Variants in KIF26B observed in about 807,000 individuals in gnomAD.
KIF26B encodes the protein kinesin family member 26B, also known as kinesin-like protein KIF26B.
KIF26B carries 63 observed loss-of-function variants against 151.2 expected under a neutral mutation model. That is an observed-to-expected ratio of 0.42 (90% CI 0.34 to 0.51). The LOEUF (loss-of-function observed/expected upper bound fraction) is 0.51. KIF26B is among the 20% of genes least tolerant of loss of function. The pLI is 0.07. For missense variants in KIF26B, 2,813 were observed against 2,913.6 expected, an observed-to-expected ratio of 0.97 and a Z score of 0.79; for synonymous variants, 1,357 against 1,262.1, an observed-to-expected ratio of 1.08 and a Z score of -1.59.
At chr1:245,672,444 C>T (rs1373237421) in intron 10 of KIF26B, among the ~76,000 whole-genome samples, 2 of 152,228 alleles carry the variant, frequency 1.3e-5, no homozygotes, top group Admixed American at 6.5e-5. Context: ...CAGTCTGAAT[C>T]CCTCCGGACA....
chr1:245,469,109 C>T lies in KIF26B; in HGVS notation c.1166+49364C>T, dbSNP rs558920093. ...CTCCTCAACTGGCCTCTGGCTGCAACGTAAATGACCTCCCTTGTTCCCTAC... is the reference window on the plus strand; with the variant it reads ...CTCCTCAACTGGCCTCTGGCTGCAATGTAAATGACCTCCCTTGTTCCCTAC... On this transcript the variant is annotated intron_variant, in intron 4 of 14. Coordinates refer to ENST00000407071, the MANE Select transcript of KIF26B (RefSeq NM_018012.4). 7.9e-5 allele frequency among the ~76,000 whole-genome samples: 12 copies of T among 152,352 alleles called. No individual in the cohort carries two copies. In the South Asian group the frequency reaches 8.3e-4, roughly 11 times the overall value.
chr1:245,594,982 T>C (rs1328751598), intron 5 of KIF26B, among the ~76,000 whole-genome samples: 2 of 152,174 alleles, frequency 1.3e-5, no homozygotes, highest in African/African-American at 4.8e-5. Context: ...TACTGGTGTA[T>C]AGGAAGGCTT....
intron 2 of KIF26B, among the ~76,000 whole-genome samples, chr1:245,361,112 T>C (rs1434931196): frequency 6.6e-6 from 1 of 152,244 alleles, no homozygotes; most frequent in East Asian, 1.9e-4. Flanking sequence ...AACATCTCCC[T>C]TTTCTTTTGA....
At chr1:245,473,030 C>T (rs1659948527) in intron 4 of KIF26B, among the ~76,000 whole-genome samples, 1 of 152,258 alleles carries the variant, frequency 6.6e-6, no homozygotes, top group Non-Finnish European at 1.5e-5. Context: ...TAGGACTCTG[C>T]TCTCTGTCTC....
intron 5 of KIF26B, among the ~76,000 whole-genome samples, chr1:245,594,729 A>G (rs1361567904): frequency 6.6e-6 from 1 of 152,204 alleles, no homozygotes; most frequent in East Asian, 1.9e-4. Context: ...CTTGGTGGGA[A>G]TAGCATTGAA....
intron 2 of KIF26B, among the ~76,000 whole-genome samples, chr1:245,224,155 C>T (rs545049237): frequency 3.9e-5 from 6 of 152,142 alleles, no homozygotes; most frequent in South Asian, 4.2e-4. Flanking sequence ...TGTGGTGGCG[C>T]GTGCCTGTAA....
intron 3 of KIF26B, among the ~76,000 whole-genome samples, chr1:245,393,135 C>A (rs1000597557): frequency 3.9e-5 from 6 of 152,132 alleles, no homozygotes; most frequent in African/African-American, 1.4e-4. Context: ...CCCGCCACTG[C>A]ACTCCAGCCT....
intron 6 of KIF26B, 115 bp from the exon 7 acceptor site, chr1:245,607,536 G>T: frequency 2.5e-6 from 2 of 784,504 alleles, no homozygotes; most frequent in Non-Finnish European, 4.1e-6. Context: ...AACCCACCTG[G>T]GAACACAGTG....
At chr1:245,202,617 G>A (rs1669319924) in intron 2 of KIF26B, among the ~76,000 whole-genome samples, 1 of 152,032 alleles carries the variant, frequency 6.6e-6, no homozygotes, top group Non-Finnish European at 1.5e-5. Context: ...AAAATTAGCC[G>A]GACGTGGTGG....
chr1:245,639,491 A>AT (rs1301071942), intron 9 of KIF26B, among the ~76,000 whole-genome samples: 5 of 150,686 alleles, frequency 3.3e-5, no homozygotes, highest in African/African-American at 7.3e-5. Flanking sequence ...ATCTTTACTC[A>AT]TTTTTTTCCT....
intron 9 of KIF26B, among the ~76,000 whole-genome samples, chr1:245,641,275 G>T (rs1466031210): frequency 7.5e-6 from 1 of 132,742 alleles, no homozygotes; most frequent in Non-Finnish European, 1.6e-5. Flanking sequence ...CTTTGCCTTT[G>T]ACCTTTGTGA....
rs964519193 is a variant in KIF26B, at chr1:245,171,543, CA to C, written c.465+14870del. On this transcript the variant is annotated intron_variant, in intron 2 of 14. Transcript: ENST00000407071. ...TAGGCGACAGAGTGAGACTCCATCT[CA>C]AAAAAAAAATTCTTACATGGGACAA... Among the ~76,000 whole-genome samples the C allele has an allele frequency of 2.2e-4, 32 of 148,416 alleles. No homozygotes were observed. In the East Asian group the frequency reaches 2.8e-3, roughly 13 times the overall value.
chr1:245,374,233 G>A (rs956770591), intron 3 of KIF26B, among the ~76,000 whole-genome samples: 17 of 147,924 alleles, frequency 1.1e-4, no homozygotes, highest in African/African-American at 3.5e-4. Context: ...TTGCTCCTCC[G>A]AGATCAGAAG....
At position 245,241,723 on chromosome 1, in the gene KIF26B, G is replaced by A. The variant is rs1050623552; in HGVS notation, c.465+85040G>A. On this transcript the variant is annotated intron_variant, in intron 2 of 14. Transcript: ENST00000407071. This position sits in a 1 kb window ranked among gnomAD's most constrained non-coding sequence, Gnocchi z 5.0. Reference sequence around the variant, plus strand: ...CCGTCCAGGGCCCATGGCAGCCCCAGCTGGCTGCCCGCTCCCTCCTGTGGG... The same window carrying A: ...CCGTCCAGGGCCCATGGCAGCCCCAACTGGCTGCCCGCTCCCTCCTGTGGG... 6.6e-6 allele frequency among the ~76,000 whole-genome samples: 1 copy of A among 152,328 alleles called. No homozygotes were observed. Among genetic ancestry groups the A allele is most frequent in the East Asian group, 1.9e-4 (1 of 5,176 alleles).
chr1:245,665,789 A>G (rs1452233230), intron 10 of KIF26B, among the ~76,000 whole-genome samples: 1 of 151,906 alleles, frequency 6.6e-6, no homozygotes, highest in African/African-American at 2.4e-5. Context: ...AGTTCAAGTG[A>G]TCCTCCTGCC....
intron 2 of KIF26B, among the ~76,000 whole-genome samples, chr1:245,270,877 G>T (rs35651996): frequency 0.065 from 9,963 of 152,212 alleles, 371 homozygotes; most frequent in African/African-American, 0.086. Flanking sequence ...CTTCTAGGAG[G>T]TTTGTAGTTT....
At chr1:245,503,061 T>G (rs1660655014) in intron 4 of KIF26B, among the ~76,000 whole-genome samples, 1 of 152,062 alleles carries the variant, frequency 6.6e-6, no homozygotes, top group Non-Finnish European at 1.5e-5. Context: ...GGTTTCTCCA[T>G]GTTGGTCAGG....
intron 4 of KIF26B, among the ~76,000 whole-genome samples, chr1:245,439,031 A>G (rs1279580293): frequency 6.6e-6 from 1 of 152,142 alleles, no homozygotes; most frequent in Non-Finnish European, 1.5e-5. Context: ...AGTTTATTAT[A>G]TATCAGTTAC....
chr1:245,306,523 G>A (rs1020616550), intron 2 of KIF26B, among the ~76,000 whole-genome samples: 2 of 152,052 alleles, frequency 1.3e-5, no homozygotes, highest in African/African-American at 4.8e-5. Flanking sequence ...TTTCAATAGA[G>A]CTGTTTTAAA....
Sources: allele counts gnomAD v4.1 joint callset (sites outside exome capture counted in the v4.1 genomes callset), GRCh38; gene constraint gnomAD v4.1.1; non-coding constraint Gnocchi (gnomAD v3.1); transcripts MANE v1.5; gene names NCBI Gene and HGNC (gene_info 2026-07-23, HGNC 2026-07-21).